Variants in PARD3 observed in about 807,000 individuals in gnomAD.
PARD3 encodes the protein par-3 family cell polarity regulator.
A neutral mutation model predicts 155.4 loss-of-function variants in PARD3; 75 were observed. That is an observed-to-expected ratio of 0.48 (90% CI 0.40 to 0.58). The LOEUF is 0.58. Ranked by LOEUF, PARD3 falls within the 20% of genes least tolerant of loss-of-function variation. The probability of loss-of-function intolerance (pLI) is 0.00; values close to 1 mark genes in which losing one functional copy is unlikely to be tolerated. For synonymous variants in PARD3, 576 were observed against 610.5 expected (o/e 0.94, Z 0.83); for missense variants, 1,642 against 1,721.7 (o/e 0.95, Z 0.82).
intron 20 of PARD3, among the ~76,000 whole-genome samples, chr10:34,295,539 C>A (rs939514911): frequency 1.3e-5 from 2 of 152,136 alleles, no homozygotes; most frequent in African/African-American, 4.8e-5. Flanking sequence ...TCCTGTTTAT[C>A]CAAGACGGAA....
At chr10:34,168,936 C>T (rs996118068) in intron 22 of PARD3, among the ~76,000 whole-genome samples, 5 of 152,200 alleles carry the variant, frequency 3.3e-5, no homozygotes, top group East Asian at 1.9e-4. Context: ...ATTGCACCAA[C>T]GCTACCTAGA....
At chr10:34,130,217 A>C (rs956187498) in intron 23 of PARD3, among the ~76,000 whole-genome samples, 7 of 152,070 alleles carry the variant, frequency 4.6e-5, no homozygotes, top group Admixed American at 6.6e-5. Flanking sequence ...TAGGCTTGAG[A>C]ACCCCTAGAT....
chr10:34,311,263 T>A (rs992370805), intron 20 of PARD3, among the ~76,000 whole-genome samples: 18 of 151,968 alleles, frequency 1.2e-4, no homozygotes, highest in East Asian at 7.7e-4. Context: ...TTATTTATTT[T>A]TTTTTATTTA....
intron 4 of PARD3, among the ~76,000 whole-genome samples, chr10:34,465,108 A>G (rs1172152232): frequency 6.6e-6 from 1 of 152,340 alleles, no homozygotes; most frequent in East Asian, 1.9e-4. Flanking sequence ...ATTCTGCATT[A>G]TATAGGAAAT....
intron 2 of PARD3, among the ~76,000 whole-genome samples, chr10:34,686,321 T>C (rs1230813029): frequency 1.3e-5 from 2 of 152,114 alleles, no homozygotes; most frequent in African/African-American, 4.8e-5. Flanking sequence ...CATACTCAAG[T>C]TGCTTTTAAT....
At chr10:34,349,835 C>T (rs1022574157) in intron 14 of PARD3, among the ~76,000 whole-genome samples, 2 of 152,026 alleles carry the variant, frequency 1.3e-5, no homozygotes, top group African/African-American at 4.8e-5. Flanking sequence ...ATGATAAAAC[C>T]TTTATAAAAC....
intron 2 of PARD3, among the ~76,000 whole-genome samples, chr10:34,607,919 T>G (rs2090594399): frequency 6.6e-6 from 1 of 152,126 alleles, no homozygotes; most frequent in African/African-American, 2.4e-5. Flanking sequence ...ATTTATGTAT[T>G]TATTTATTTA....
At chr10:34,784,905 G>C (rs913472668) in intron 1 of PARD3, among the ~76,000 whole-genome samples, 8 of 152,004 alleles carry the variant, frequency 5.3e-5, no homozygotes, top group African/African-American at 1.9e-4. Flanking sequence ...CATTTTTCTA[G>C]CATTCATTCC....
At chr10:34,742,770 A>G (rs2133893440) in intron 1 of PARD3, among the ~76,000 whole-genome samples, 1 of 152,292 alleles carries the variant, frequency 6.6e-6, no homozygotes, top group Admixed American at 6.5e-5. Context: ...TTATCTGTAA[A>G]AACTAATTTT....
intron 2 of PARD3, among the ~76,000 whole-genome samples, chr10:34,665,362 C>A (rs61408800): frequency 0.17 from 10,751 of 64,510 alleles, 1,247 homozygotes; most frequent in African/African-American, 0.54. Context: ...AAAAAACAAA[C>A]AAAAAAAAAT....
At chr10:34,120,165 G>C (rs1946914830) in intron 23 of PARD3, among the ~76,000 whole-genome samples, 1 of 148,366 alleles carries the variant, frequency 6.7e-6, no homozygotes, top group Non-Finnish European at 1.5e-5. Context: ...TACAAGCACA[G>C]GCCACCATGC....
chr10:34,383,494 A>C (rs1002913178), intron 8 of PARD3, among the ~76,000 whole-genome samples: 3 of 152,194 alleles, frequency 2.0e-5, no homozygotes, highest in African/African-American at 7.2e-5. Context: ...TCCAGGCTCA[A>C]TAATTCAAAA....
intron 2 of PARD3, among the ~76,000 whole-genome samples, chr10:34,520,238 G>C (rs1165231561): frequency 6.6e-6 from 1 of 152,100 alleles, no homozygotes; most frequent in Non-Finnish European, 1.5e-5. Flanking sequence ...CCATTGTACA[G>C]TCACAAAGAG....
At chr10:34,788,451 T>TC (rs112737955) in intron 1 of PARD3, among the ~76,000 whole-genome samples, 1 of 63,112 alleles carries the variant, frequency 1.6e-5, no homozygotes, top group African/African-American at 1.2e-4. Flanking sequence ...GGTCCAGTTC[T>TC]TTTTTTTTTT....
At chr10:34,377,423 C>G (rs906538853) in intron 10 of PARD3, among the ~76,000 whole-genome samples, 13 of 152,004 alleles carry the variant, frequency 8.6e-5, no homozygotes, top group African/African-American at 3.1e-4. Flanking sequence ...AACCCTGTCT[C>G]TATGAAAAAT....
intron 4 of PARD3, among the ~76,000 whole-genome samples, chr10:34,454,631 A>G (rs973718750): frequency 1.3e-5 from 2 of 152,182 alleles, no homozygotes; most frequent in African/African-American, 2.4e-5. Flanking sequence ...AAAAAATGCC[A>G]TAAGAAATTA....
chr10:34,415,337 G>A (rs1845561178), intron 5 of PARD3, among the ~76,000 whole-genome samples: 2 of 152,104 alleles, frequency 1.3e-5, no homozygotes, highest in Middle Eastern at 3.2e-3. Context: ...TCAGCCAAGT[G>A]AATGAAGTAG....
chr10:34,806,938 G>T (rs763576630), intron 1 of PARD3, among the ~76,000 whole-genome samples: 5 of 152,246 alleles, frequency 3.3e-5, no homozygotes, highest in Non-Finnish European at 7.3e-5. Flanking sequence ...CACAGAGCTT[G>T]TAAGATTTGC....
At chr10:34,658,712 T>C (rs2093248343) in intron 2 of PARD3, among the ~76,000 whole-genome samples, 1 of 152,128 alleles carries the variant, frequency 6.6e-6, no homozygotes, top group Admixed American at 6.6e-5. Flanking sequence ...ATGTCCCCCC[T>C]CCTGCCTGCC....
Sources: gnomAD v4.1 joint callset for allele counts (sites outside exome capture counted in the v4.1 genomes callset) on GRCh38, gnomAD v4.1.1 for gene constraint, MANE v1.5 for transcripts, NCBI Gene and HGNC (gene_info 2026-07-23, HGNC 2026-07-21) for gene names.